Variants in TEX11 observed in about 807,000 individuals in gnomAD.
TEX11 encodes testis expressed 11.
TEX11 carries 7 observed loss-of-function variants against 84.4 expected under a neutral mutation model. The ratio of observed to expected loss-of-function variants is 0.08; its 90% CI spans 0.05 to 0.16. The LOEUF (loss-of-function observed/expected upper bound fraction) is 0.16, where lower values mean the gene tolerates loss of function less well. TEX11 is among the 10% of genes least tolerant of loss of function. The pLI, the probability that TEX11 is intolerant of heterozygous loss-of-function variation, is 1.00. For missense variants in TEX11, 551 were observed against 660.5 expected, an observed-to-expected ratio of 0.83 and a Z score of 1.82; for synonymous variants, 264 against 222.8, an observed-to-expected ratio of 1.18 and a Z score of -1.64.
intron 7 of TEX11, among the ~76,000 whole-genome samples, chrX:70,837,540 G>GCAA (rs1428760136): frequency 9.0e-6 from 1 of 110,657 alleles, no homozygotes; most frequent in Non-Finnish European, 1.9e-5. Flanking sequence ...TCCAGCCTAG[G>GCAA]CAACAGAGTG....
intron 28 of TEX11, among the ~76,000 whole-genome samples, chrX:70,530,484 A>G: frequency 8.9e-6 from 1 of 112,268 alleles, no homozygotes; most frequent in Non-Finnish European, 1.9e-5. Flanking sequence ...TGAACACAGC[A>G]CACATTTCTA....
chrX:70,842,049 G>C lies in TEX11; in HGVS notation c.526-8456C>G, dbSNP rs764211205. On this transcript the variant is annotated intron_variant, in intron 7 of 29. Coordinates refer to ENST00000374333, the MANE Select transcript of TEX11 (RefSeq NM_031276.3). ...GGATTCACAGCCGAATTCTACCAGA[G>C]GTACAAGGAGGAGCTGGTACCATTC... Among the ~76,000 whole-genome samples, 189 of 110,950 alleles carry C rather than the reference G, an allele frequency of 1.7e-3. 3 individuals carry two copies. The highest frequency in any genetic ancestry group is 5.9e-3 in the African/African-American group (181 of 30,624).
chrX:70,884,331 C>T (rs2091697402), intron 2 of TEX11, among the ~76,000 whole-genome samples: 2 of 111,838 alleles, frequency 1.8e-5, no homozygotes, highest in South Asian at 3.8e-4. Context: ...TTCCACTATA[C>T]TGGTTCTATC....
At chrX:70,610,337 G>C (rs1329099726) in intron 21 of TEX11, among the ~76,000 whole-genome samples, 166 bp downstream of exon 21, 1 of 111,058 alleles carries the variant, frequency 9.0e-6, no homozygotes, top group Non-Finnish European at 1.9e-5. Flanking sequence ...ACTTTTCTCT[G>C]CTTGTGAATG....
At chrX:70,525,439 T>C (rs1015417862), downstream of TEX11, among the ~76,000 whole-genome samples, 1 of 109,689 alleles carries the variant, frequency 9.1e-6, no homozygotes, top group Non-Finnish European at 1.9e-5. Context: ...ATAGAAAAAT[T>C]AGCCGAGTGT....
At chrX:70,550,747 A>G (rs1411790207) in intron 28 of TEX11, among the ~76,000 whole-genome samples, 2 of 111,789 alleles carry the variant, frequency 1.8e-5, no homozygotes, top group Non-Finnish European at 3.8e-5. Context: ...ACAGGCAATA[A>G]TAGGAAGTGC....
Position 70,710,499 on chromosome X carries a change from G to A in TEX11, c.1004+12119C>T, listed in dbSNP as rs569875956. 2.8e-4 allele frequency among the ~76,000 whole-genome samples: 31 copies of A among 110,275 alleles called. No individual in the cohort carries two copies. In the South Asian group the frequency reaches 7.7e-3, roughly 27 times the overall value. On this transcript the variant is annotated intron_variant, in intron 13 of 29. Transcript: ENST00000374333. ...ATTAAAGAAGTCTTTCAGGAATTAC[G>A]GATAAATGGAGGGGTGATGAAGACT...
intron 25 of TEX11, among the ~76,000 whole-genome samples, chrX:70,566,434 A>C (rs1311550406): frequency 7.3e-5 from 8 of 109,205 alleles, no homozygotes; most frequent in African/African-American, 2.7e-4. Context: ...AGAACTTCCA[A>C]CACTATGTTG....
At chrX:70,633,427 A>T (rs933081566) in intron 17 of TEX11, among the ~76,000 whole-genome samples, 2 of 111,977 alleles carry the variant, frequency 1.8e-5, no homozygotes, top group East Asian at 2.8e-4. Context: ...CCTACAGCTA[A>T]CATACTTACT....
chrX:70,886,925 C>G (rs1368071016), intron 2 of TEX11, among the ~76,000 whole-genome samples: 2 of 111,702 alleles, frequency 1.8e-5, no homozygotes, highest in Admixed American at 9.5e-5. Flanking sequence ...CCTATCTAGT[C>G]ACATTCAAAA....
At position 70,552,284 on chromosome X, in the gene TEX11, A is replaced by G. The variant is rs374096981; in HGVS notation, c.2400-38T>C. ...AAGAGAAAACTCATCCCATAAGGAA[A>G]GAAATCATTGGCTTCATGGCTAAGA... On this transcript the variant is annotated intron_variant, in intron 27 of 29. Transcript: ENST00000374333. 7.5e-6 allele frequency: 9 copies of G among 1,192,491 alleles called. No homozygotes were observed. In the African/African-American group the frequency reaches 1.4e-4, roughly 19 times the overall value.
chrX:70,679,523 T>C (rs1386907421), intron 14 of TEX11, among the ~76,000 whole-genome samples: 1 of 109,750 alleles, frequency 9.1e-6, no homozygotes, highest in Non-Finnish European at 1.9e-5. Flanking sequence ...CCATCCCATC[T>C]GGGAAGTGAG....
chrX:70,520,662 G>T, the TEX11 span, among the ~76,000 whole-genome samples: 2 of 112,349 alleles, frequency 1.8e-5, no homozygotes, highest in African/African-American at 6.5e-5. Context: ...GAGAACCACT[G>T]CTCTCTTCAG....
At chrX:70,700,370 C>T (rs1016115351) in intron 13 of TEX11, among the ~76,000 whole-genome samples, 1 of 111,899 alleles carries the variant, frequency 8.9e-6, no homozygotes, top group African/African-American at 3.2e-5. Context: ...ACAGCATGCA[C>T]TCTATTTGTG....
At chrX:70,886,803 G>T (rs2091711573) in intron 2 of TEX11, among the ~76,000 whole-genome samples, 1 of 111,915 alleles carries the variant, frequency 8.9e-6, no homozygotes, top group African/African-American at 3.2e-5. Flanking sequence ...CTCATCGGAA[G>T]ATAAAGCAAT....
intron 11 of TEX11, among the ~76,000 whole-genome samples, chrX:70,737,673 T>C (rs1277648332): frequency 2.0e-5 from 1 of 50,371 alleles, no homozygotes; most frequent in Non-Finnish European, 3.8e-5. Context: ...TGGAATGAAA[T>C]ATTTAAAATA....
At chrX:70,653,664 C>T (rs1165457160) in intron 16 of TEX11, among the ~76,000 whole-genome samples, 1 of 111,616 alleles carries the variant, frequency 9.0e-6, no homozygotes, top group Non-Finnish European at 1.9e-5. Context: ...ATACTCTTGC[C>T]ATACAATCCA....
At chrX:70,560,027 T>A (rs1186485035) in intron 25 of TEX11, among the ~76,000 whole-genome samples, 1 of 105,581 alleles carries the variant, frequency 9.5e-6, no homozygotes, top group Non-Finnish European at 2.0e-5. Context: ...ATTTTTTTTT[T>A]AGTCATTTCA....
At chrX:70,566,011 C>T (rs1291378703) in intron 25 of TEX11, among the ~76,000 whole-genome samples, 8 of 109,286 alleles carry the variant, frequency 7.3e-5, no homozygotes, top group Non-Finnish European at 1.1e-4. Context: ...GCCATTTTCA[C>T]GATATTGATT....
Sources: gnomAD v4.1 joint callset for allele counts (sites outside exome capture counted in the v4.1 genomes callset) on GRCh38, gnomAD v4.1.1 for gene constraint, MANE v1.5 for transcripts, NCBI Gene and HGNC (gene_info 2026-07-23, HGNC 2026-07-21) for gene names.